The following CFAP54 variants were observed in gnomAD, a reference collection of about 807,000 sequenced individuals.
CFAP54 encodes the protein cilia and flagella associated protein 54.
Under a neutral mutation model 370.4 loss-of-function variants are expected in CFAP54, and 290 were observed. The ratio of observed to expected loss-of-function variants is 0.78; its 90% CI spans 0.71 to 0.86. The LOEUF is 0.86. Among genes scored for constraint, CFAP54 ranks in the 40% least tolerant of loss-of-function variants. CFAP54 has a pLI of 0.00. For missense variants in CFAP54, 3,399 were observed against 3,528.7 expected (o/e 0.96, Z 0.93); for synonymous variants, 1,206 against 1,236.5 (o/e 0.98, Z 0.52).
intron 46 of CFAP54, among the ~76,000 whole-genome samples, chr12:96,700,887 G>A (rs1054870710): frequency 6.6e-6 from 1 of 152,138 alleles, no homozygotes; most frequent in African/African-American, 2.4e-5. Flanking sequence ...ATACCAGCTG[G>A]TTGGATTCAA....
rs1264282972 is a variant in CFAP54, at chr12:96,518,792, G to A, written c.799-136G>A. ...ACTTTTTAAATGCTTGTTTCTTCTT[G>A]ACACGTTATTTATGGTATTTTTGGT... On this transcript the variant is annotated intron_variant, in intron 5 of 67. Transcript: ENST00000524981. 1.6e-5 allele frequency: 12 copies of A among 743,392 alleles called. 1 individual carries two copies. In the African/African-American group the frequency reaches 2.0e-4, roughly 12 times the overall value. 46.0% of individuals were successfully genotyped at this position (743,392 alleles called of 1,614,324 possible).
rs76518827 is a variant in CFAP54, at chr12:96,830,226, T to A, written c.9171+1138T>A. 9.5e-3 allele frequency among the ~76,000 whole-genome samples: 1,448 copies of A among 152,296 alleles called. 55 individuals are homozygous for A. The East Asian group carries it at 0.1, about 10-fold the overall frequency. On this transcript the variant is annotated intron_variant, in intron 66 of 67. Coordinates refer to ENST00000524981, the MANE Select transcript of CFAP54 (RefSeq NM_001306084.2). ...CCTTGATTTCAAATCTTTAGCACAA[T>A]TGCTGAATCATATGGTAATTCTATG...
intron 65 of CFAP54, among the ~76,000 whole-genome samples, chr12:96,821,073 G>T (rs1056593886): frequency 6.6e-6 from 1 of 152,096 alleles, no homozygotes; most frequent in Non-Finnish European, 1.5e-5. Flanking sequence ...ACTACTGAAG[G>T]TCCGTCTCTT....
intron 66 of CFAP54, among the ~76,000 whole-genome samples, chr12:96,832,499 A>T (rs920498961): frequency 6.6e-6 from 1 of 151,950 alleles, no homozygotes; most frequent in Non-Finnish European, 1.5e-5. Flanking sequence ...TGTTGTGAAG[A>T]TTAAAGTAGA....
At chr12:96,785,625 A>G (rs556574600) in intron 61 of CFAP54, among the ~76,000 whole-genome samples, 1 of 152,294 alleles carries the variant, frequency 6.6e-6, no homozygotes, top group South Asian at 2.1e-4. Flanking sequence ...GGCTAGAGCA[A>G]GGGAAGTTCA....
At chr12:96,723,887 T>C (rs144261032) in intron 50 of CFAP54, among the ~76,000 whole-genome samples, 2,387 of 142,210 alleles carry the variant, frequency 0.017, 64 homozygotes, top group African/African-American at 0.057. Flanking sequence ...GTCCATGTGT[T>C]CTCAGTGTTC....
intron 26 of CFAP54, among the ~76,000 whole-genome samples, chr12:96,600,399 T>G (rs1392341925): frequency 6.6e-6 from 1 of 152,222 alleles, no homozygotes; most frequent in South Asian, 2.1e-4. Context: ...CCTTGTAGTA[T>G]AATTTGAAGT....
At chr12:96,728,971 A>G (rs1957880311) in intron 50 of CFAP54, among the ~76,000 whole-genome samples, 1 of 152,200 alleles carries the variant, frequency 6.6e-6, no homozygotes, top group Non-Finnish European at 1.5e-5. Context: ...GGGTATCAGC[A>G]GCGGTGTCTG....
intron 66 of CFAP54, among the ~76,000 whole-genome samples, chr12:96,834,451 T>C (rs930923024): frequency 6.6e-6 from 1 of 152,158 alleles, no homozygotes; most frequent in Non-Finnish European, 1.5e-5. Context: ...GCAGCAAGGA[T>C]TGTGTGAGCA....
chr12:96,621,698 G>T lies in CFAP54; in HGVS notation c.3748G>T (p.Glu1250Ter), dbSNP rs1384911202. 21 of 1,523,562 alleles carry T rather than the reference G, an allele frequency of 1.4e-5. No individual in the cohort carries two copies. Among genetic ancestry groups the T allele is most frequent in the Non-Finnish European group, 1.8e-5 (21 of 1,140,902 alleles). The allele number at this position is 1,523,562 out of a possible 1,614,324, so 94.4% of individuals were successfully genotyped here. The change falls in exon 27 of 68, where the codon GAA becomes TAA. Residue 1250 changes from glutamate to a stop codon, truncating the protein, a stop_gained. Transcript: ENST00000524981. LOFTEE classifies it high-confidence loss of function. Reference protein sequence around the residue: ...GCKSLFDGSNEQEEMPEEDSS... With the variant: ...GCKSLFDGSN ...CAAGTCTCTGTTTGATGGTAGTAAT[G>T]AACAAGAAGAAATGCCAGAGGAGGT...
chr12:96,579,269 T>C (rs1201899599), intron 20 of CFAP54, among the ~76,000 whole-genome samples: 1 of 152,158 alleles, frequency 6.6e-6, no homozygotes, highest in Non-Finnish European at 1.5e-5. Context: ...GACTAGTGCT[T>C]TTTAATCAGT....
intron 24 of CFAP54, 106 bp downstream of exon 24, chr12:96,592,743 G>T: frequency 2.6e-6 from 1 of 378,872 alleles, no homozygotes; most frequent in Non-Finnish European, 4.7e-6. Flanking sequence ...CTGGTGAATG[G>T]ACTGAAAGGA....
chr12:96,566,272 A>G (rs1955864619), intron 19 of CFAP54, among the ~76,000 whole-genome samples: 2 of 152,198 alleles, frequency 1.3e-5, no homozygotes, highest in Non-Finnish European at 2.9e-5. Flanking sequence ...TGGAAAATTG[A>G]ACTGGGAAAG....
chr12:96,677,002 C>A (rs113944054), intron 39 of CFAP54, among the ~76,000 whole-genome samples: 1,505 of 35,370 alleles, frequency 0.043, 24 homozygotes, highest in African/African-American at 0.22. Context: ...AAATAAATTT[C>A]TTTTCTTTTC....
rs116784020 is a variant in CFAP54, at chr12:96,698,898, G to A, written c.6352-1073G>A. Among the ~76,000 whole-genome samples, 1,476 of 152,266 alleles carry A rather than the reference G, an allele frequency of 9.7e-3. 30 individuals carry two copies. The highest frequency in any genetic ancestry group is 0.034 in the African/African-American group (1,407 of 41,540). ...TACACTCCACAGTGCGGGAGTGGGT[G>A]TGAGCAGCGGCTCAAGGGTCTGGAT... On this transcript the variant is annotated intron_variant, in intron 45 of 67. Transcript: ENST00000524981.
chr12:96,746,449 A>G (rs993382340), intron 55 of CFAP54, among the ~76,000 whole-genome samples: 6 of 152,220 alleles, frequency 3.9e-5, no homozygotes, highest in South Asian at 4.2e-4. Flanking sequence ...TTAATCTATA[A>G]TTCCAATATG....
chr12:96,504,486 A>G (rs1475859638), intron 3 of CFAP54, among the ~76,000 whole-genome samples: 1 of 152,206 alleles, frequency 6.6e-6, no homozygotes, highest in Admixed American at 6.5e-5. Flanking sequence ...AATTACTACC[A>G]TTGATTCACT....
chr12:96,593,662 G>T (rs1164694907), intron 24 of CFAP54, among the ~76,000 whole-genome samples: 1 of 151,794 alleles, frequency 6.6e-6, no homozygotes, highest in African/African-American at 2.4e-5. Flanking sequence ...TTACCACTCA[G>T]ACAGTTTCTT....
intron 58 of CFAP54, among the ~76,000 whole-genome samples, chr12:96,761,317 CT>C (rs1184408555): frequency 1.3e-5 from 2 of 151,954 alleles, no homozygotes; most frequent in South Asian, 4.2e-4. Flanking sequence ...GGTCATTTGT[CT>C]TTTTTTATCA....
Sources: gnomAD v4.1 joint callset for allele counts (sites outside exome capture counted in the v4.1 genomes callset) on GRCh38, gnomAD v4.1.1 for gene constraint, MANE v1.5 for transcripts, NCBI Gene and HGNC (gene_info 2026-07-23, HGNC 2026-07-21) for gene names.